Variants in UBXN2A observed in about 807,000 individuals in gnomAD.
UBXN2A encodes UBX domain protein 2A.
A neutral mutation model predicts 28.4 loss-of-function variants in UBXN2A; 28 were observed. The ratio of observed to expected loss-of-function variants is 0.99; its 90% CI spans 0.73 to 1.35. The LOEUF is 1.35. UBXN2A is among the 40% of genes most tolerant of loss of function. The pLI, the probability that UBXN2A is intolerant of heterozygous loss-of-function variation, is 0.00. For synonymous variants in UBXN2A, 97 were observed against 103.6 expected (o/e 0.94, Z 0.39); for missense variants, 253 against 297.9 (o/e 0.85, Z 1.11).
At chr2:23,983,248 G>A (rs1016984772) in intron 5 of UBXN2A, among the ~76,000 whole-genome samples, 1 of 152,134 alleles carries the variant, frequency 6.6e-6, no homozygotes. Flanking sequence ...GCTCATGCCT[G>A]TAATCCCAGC....
chr2:23,936,294 T>A (rs1449669512), upstream of UBXN2A, among the ~76,000 whole-genome samples: 1 of 152,086 alleles, frequency 6.6e-6, no homozygotes, highest in Non-Finnish European at 1.5e-5. Flanking sequence ...TACTGACACA[T>A]GCTATAACAT....
At chr2:23,991,614 C>T (rs1205673956) in intron 6 of UBXN2A, among the ~76,000 whole-genome samples, 1 of 151,582 alleles carries the variant, frequency 6.6e-6, no homozygotes, top group African/African-American at 2.4e-5. Context: ...GGATCACAGG[C>T]GCCTATCACC....
At chr2:23,947,053 A>ATTTGTAGTAG (rs1706122305) in intron 1 of UBXN2A, among the ~76,000 whole-genome samples, 1 of 151,954 alleles carries the variant, frequency 6.6e-6, no homozygotes, top group African/African-American at 2.4e-5. Flanking sequence ...ATGCCTGGCT[A>ATTTGTAGTAG]ATGTTCTTAT....
At chr2:23,974,915 C>A (rs182827090) in intron 3 of UBXN2A, among the ~76,000 whole-genome samples, 20 of 151,798 alleles carry the variant, frequency 1.3e-4, no homozygotes, top group Admixed American at 1.2e-3. Context: ...GGAGGCGGAG[C>A]TCGCAGTGAA....
Position 23,944,576 on chromosome 2 carries a change from T to A in UBXN2A, c.-15+3928T>A, listed in dbSNP as rs571553122. Among the ~76,000 whole-genome samples the A allele has an allele frequency of 2.0e-5, 3 of 152,244 alleles. No individual in the cohort carries two copies. The South Asian group carries it at 6.2e-4, about 32-fold the overall frequency. The stretch of plus-strand genomic sequence containing the variant: ...GATGGGGTGGCTGCAAAAACTCCCC[T>A]TTTTTTGCCCACAGCTTGCCTAATC... On this transcript the variant is annotated intron_variant, in intron 1 of 6. Coordinates refer to ENST00000309033, the MANE Select transcript of UBXN2A (RefSeq NM_181713.4).
intron 5 of UBXN2A, 36 bp from the exon 6 acceptor site, chr2:23,984,637 A>G (rs749088301): frequency 7.0e-7 from 1 of 1,425,630 alleles, no homozygotes; most frequent in Admixed American, 2.7e-5. Flanking sequence ...TATTGAATGG[A>G]AAAAACGTCT....
At chr2:23,980,714 G>T (rs991288773) in intron 4 of UBXN2A, among the ~76,000 whole-genome samples, 1 of 151,954 alleles carries the variant, frequency 6.6e-6, no homozygotes, top group Non-Finnish European at 1.5e-5. Flanking sequence ...TGTAACCTCC[G>T]CCTCCCAGGT....
At chr2:23,956,722 C>T (rs1373131319) in intron 1 of UBXN2A, among the ~76,000 whole-genome samples, 1 of 152,162 alleles carries the variant, frequency 6.6e-6, no homozygotes, top group African/African-American at 2.4e-5. Flanking sequence ...TCTGCCCCAG[C>T]CCTGAAGTTA....
At chr2:23,967,930 CT>C (rs970967011) in intron 2 of UBXN2A, among the ~76,000 whole-genome samples, 262 of 143,814 alleles carry the variant, frequency 1.8e-3, no homozygotes, top group Non-Finnish European at 1.8e-3. Flanking sequence ...TAGTGATGGC[CT>C]TTTTTTTTTT....
rs2150930130 is a variant in UBXN2A at position 24,001,239 on chromosome 2, C to T, written c.*1372C>T. ...TCCCGACCTCAGGGGATCTGCCTGCCTAGGCCTCCTGAAGTGCTGGGATTA... is the reference window on the plus strand; with the variant it reads ...TCCCGACCTCAGGGGATCTGCCTGCTTAGGCCTCCTGAAGTGCTGGGATTA... On this transcript the variant is annotated 3_prime_UTR_variant, in exon 7 of 7. Coordinates refer to ENST00000309033, the MANE Select transcript of UBXN2A (RefSeq NM_181713.4). The T allele has an allele frequency of 6.6e-6, 1 of 152,344 alleles. No homozygotes were observed. The highest frequency in any genetic ancestry group is 6.5e-5 in the Admixed American group (1 of 15,298). The allele number at this position is 152,344 out of a possible 1,614,324, so 9.4% of individuals were successfully genotyped here.
At chr2:23,952,345 C>T (rs908156011) in intron 1 of UBXN2A, among the ~76,000 whole-genome samples, 1 of 152,150 alleles carries the variant, frequency 6.6e-6, no homozygotes, top group African/African-American at 2.4e-5. Context: ...GTCGCTGCAG[C>T]CTCAACTTCC....
At chr2:23,950,984 A>G (rs1706336220) in intron 1 of UBXN2A, among the ~76,000 whole-genome samples, 1 of 152,090 alleles carries the variant, frequency 6.6e-6, no homozygotes, top group Non-Finnish European at 1.5e-5. Flanking sequence ...TGGCCTATTC[A>G]TTATTTTTTA....
At chr2:23,946,737 G>A (rs1468458047) in intron 1 of UBXN2A, among the ~76,000 whole-genome samples, 1 of 152,112 alleles carries the variant, frequency 6.6e-6, no homozygotes, top group Non-Finnish European at 1.5e-5. Context: ...ATTCAGGCAT[G>A]AGCCACCGCA....
intron 2 of UBXN2A, among the ~76,000 whole-genome samples, chr2:23,964,192 C>T (rs560276758): frequency 6.6e-6 from 1 of 151,376 alleles, no homozygotes; most frequent in South Asian, 2.1e-4. Context: ...ATAATACATA[C>T]CCAAAATGGA....
At chr2:23,993,003 C>T (rs917236905) in intron 6 of UBXN2A, among the ~76,000 whole-genome samples, 1 of 152,232 alleles carries the variant, frequency 6.6e-6, no homozygotes. Context: ...CTTTAGCTAC[C>T]ATCTACCTGG....
At chr2:23,989,437 G>C (rs931699640) in intron 6 of UBXN2A, among the ~76,000 whole-genome samples, 3 of 151,244 alleles carry the variant, frequency 2.0e-5, no homozygotes, top group African/African-American at 7.3e-5. Context: ...ACTTTTAATA[G>C]AGAGGGGGTT....
At chr2:23,988,136 AAAAG>A (rs1254257976) in intron 6 of UBXN2A, among the ~76,000 whole-genome samples, 4 of 151,830 alleles carry the variant, frequency 2.6e-5, no homozygotes, top group African/African-American at 7.3e-5. Context: ...AAAAAAAAAA[AAAAG>A]AAAGAAAAAA....
intron 1 of UBXN2A, among the ~76,000 whole-genome samples, chr2:23,950,213 C>T (rs1477731597): frequency 2.0e-5 from 3 of 152,124 alleles, no homozygotes; most frequent in East Asian, 1.9e-4. Flanking sequence ...GAGACTATTA[C>T]TAAGGGTCTA....
chr2:23,949,160 C>G (rs573101803), intron 1 of UBXN2A, among the ~76,000 whole-genome samples: 1 of 144,212 alleles, frequency 6.9e-6, no homozygotes, highest in South Asian at 2.2e-4. Flanking sequence ...CGGAGTTTCA[C>G]CATGTTGGCC....
Sources: gnomAD v4.1 joint callset for allele counts (sites outside exome capture counted in the v4.1 genomes callset) on GRCh38, gnomAD v4.1.1 for gene constraint, MANE v1.5 for transcripts, NCBI Gene and HGNC (gene_info 2026-07-23, HGNC 2026-07-21) for gene names.